SPMIP7: variants seen among roughly 807,000 people sequenced by gnomAD.
The protein encoded by SPMIP7 is protein SPMIP7.
the SPMIP7 span, chr7:50,096,479 G>T: frequency 6.4e-7 from 1 of 1,551,716 alleles, no homozygotes; most frequent in Admixed American, 2.0e-5. Context: ...AACCCTAGTG[G>T]ATTTTAGTGA....
chr7:50,142,750 A>G, the SPMIP7 span: 1 of 152,192 alleles, frequency 6.6e-6, no homozygotes, highest in African/African-American at 2.4e-5. Flanking sequence ...TGTGGCCCCA[A>G]TCTCATTGCC....
chr7:50,152,086 G>T, the SPMIP7 span, among the ~76,000 whole-genome samples: 3 of 152,212 alleles, frequency 2.0e-5, no homozygotes, highest in Non-Finnish European at 4.4e-5. Context: ...GGTGGCTCAT[G>T]CCTGTAATCC....
the SPMIP7 span, chr7:50,136,159 T>A: frequency 1.9e-6 from 3 of 1,549,684 alleles, no homozygotes; most frequent in Non-Finnish European, 2.6e-6. Flanking sequence ...GTCAAACCAA[T>A]TAATTTGTAA....
the SPMIP7 span, among the ~76,000 whole-genome samples, chr7:50,143,614 A>G: frequency 6.6e-6 from 1 of 152,212 alleles, no homozygotes; most frequent in Non-Finnish European, 1.5e-5. Flanking sequence ...AAGTCATCTG[A>G]CATGCTCTGT....
At chr7:50,109,451 C>T in the SPMIP7 span, among the ~76,000 whole-genome samples, 17 of 152,166 alleles carry the variant, frequency 1.1e-4, no homozygotes, top group African/African-American at 4.1e-4. Context: ...TCTTAGCTCA[C>T]TGCAACCTCT....
the SPMIP7 span, among the ~76,000 whole-genome samples, chr7:50,154,430 AT>A: frequency 6.6e-6 from 1 of 152,278 alleles, no homozygotes; most frequent in South Asian, 2.1e-4. Context: ...CCACTGTTCT[AT>A]TCACTATCTC....
chr7:50,154,353 T>A, the SPMIP7 span, among the ~76,000 whole-genome samples: 1 of 152,230 alleles, frequency 6.6e-6, no homozygotes, highest in Admixed American at 6.5e-5. Flanking sequence ...TTCTCCTGCG[T>A]GTCTGCTACT....
the SPMIP7 span, chr7:50,104,336 T>C: frequency 6.5e-7 from 1 of 1,537,520 alleles, no homozygotes; most frequent in East Asian, 2.5e-5. Flanking sequence ...CTCTGAAAGT[T>C]ACTCCCTTAC....
At chr7:50,148,595 A>G in the SPMIP7 span, among the ~76,000 whole-genome samples, 2 of 152,212 alleles carry the variant, frequency 1.3e-5, no homozygotes, top group African/African-American at 4.8e-5. Flanking sequence ...TGGGGGAGAG[A>G]CACACGCATG....
chr7:50,138,439 T>TC, the SPMIP7 span, among the ~76,000 whole-genome samples: 1 of 152,202 alleles, frequency 6.6e-6, no homozygotes, highest in African/African-American at 2.4e-5. Context: ...CAGACAGACA[T>TC]CACATACGAA....
the SPMIP7 span, among the ~76,000 whole-genome samples, chr7:50,123,463 T>C: frequency 4.0e-4 from 59 of 148,286 alleles, 1 homozygote; most frequent in Non-Finnish European, 7.2e-4. Flanking sequence ...ATATACCTAA[T>C]GCTAGATGAC....
the SPMIP7 span, among the ~76,000 whole-genome samples, chr7:50,115,476 G>C: frequency 6.6e-6 from 1 of 152,108 alleles, no homozygotes; most frequent in African/African-American, 2.4e-5. Flanking sequence ...AATACCAATG[G>C]CACACAGAAC....
chr7:50,140,821 G>T, the SPMIP7 span, among the ~76,000 whole-genome samples: 1 of 152,176 alleles, frequency 6.6e-6, no homozygotes, highest in African/African-American at 2.4e-5. Context: ...TCTCTGATTG[G>T]CATTAACTCA....
chr7:50,143,363 C>T, the SPMIP7 span, among the ~76,000 whole-genome samples: 2 of 152,120 alleles, frequency 1.3e-5, no homozygotes, highest in East Asian at 1.9e-4. Context: ...ATGGGGGTTT[C>T]GCCATGTTGG....
the SPMIP7 span, among the ~76,000 whole-genome samples, chr7:50,130,317 T>C: frequency 1.3e-5 from 2 of 152,084 alleles, no homozygotes; most frequent in African/African-American, 2.4e-5. Context: ...CTCACAATCA[T>C]GGCAGAAGGC....
the SPMIP7 span, among the ~76,000 whole-genome samples, chr7:50,125,127 CACACACACACACACAT>C: frequency 6.4e-5 from 1 of 15,602 alleles, no homozygotes; most frequent in East Asian, 5.9e-3. Context: ...CACACACACA[CACACACACACACACAT>C]ATACACACAT....
the SPMIP7 span, among the ~76,000 whole-genome samples, chr7:50,125,177 TATATACAC>T: frequency 3.7e-5 from 3 of 81,902 alleles, no homozygotes; most frequent in East Asian, 3.0e-4. Context: ...TATACACATA[TATATACAC>T]ATATATACAC....
At chr7:50,154,266 CAGTT>C in the SPMIP7 span, among the ~76,000 whole-genome samples, 1 of 152,124 alleles carries the variant, frequency 6.6e-6, no homozygotes, top group Non-Finnish European at 1.5e-5. Flanking sequence ...ATAATCTACT[CAGTT>C]AGCAAAAATC....
At chr7:50,133,860 A>G in the SPMIP7 span, among the ~76,000 whole-genome samples, 11 of 152,092 alleles carry the variant, frequency 7.2e-5, 1 homozygote, top group African/African-American at 2.4e-4. Flanking sequence ...AATTCAACCA[A>G]TTAGGGACCT....
Sources: allele counts gnomAD v4.1 joint callset (sites outside exome capture counted in the v4.1 genomes callset), GRCh38; gene constraint gnomAD v4.1.1; transcripts MANE v1.5; gene names NCBI Gene and HGNC (gene_info 2026-07-23, HGNC 2026-07-21).